NPR3: variants seen among roughly 807,000 people sequenced by gnomAD.
NPR3 encodes natriuretic peptide receptor 3.
NPR3 carries 34 observed loss-of-function variants against 54.5 expected under a neutral mutation model. That is an observed-to-expected ratio of 0.62 (90% CI 0.47 to 0.83). The LOEUF (loss-of-function observed/expected upper bound fraction) is 0.83, where lower values mean the gene tolerates loss of function less well. NPR3 is among the 40% of genes least tolerant of loss of function. NPR3 has a pLI of 0.00. For synonymous variants in NPR3, 289 were observed against 297.1 expected (o/e 0.97, Z 0.28); for missense variants, 674 against 720.8 (o/e 0.94, Z 0.74).
chr5:32,695,756 C>T (rs1740516402), intron 1 of NPR3, among the ~76,000 whole-genome samples: 1 of 152,208 alleles, frequency 6.6e-6, no homozygotes, highest in South Asian at 2.1e-4. Context: ...TTTTGATTTG[C>T]ATTTCTCTGG....
chr5:32,789,974 AT>A lies in NPR3; in HGVS notation c.*3630del. ...ACTCAGATCCTGAGTGGATGCAGAC[AT>A]GAGAGTAAATGTCAGCCCAAATTAG... On this transcript the variant is annotated 3_prime_UTR_variant, in exon 8 of 8. Coordinates refer to ENST00000265074, the MANE Select transcript of NPR3 (RefSeq NM_001204375.2). The A allele has an allele frequency of 3.4e-6, 1 of 295,894 alleles. No individual in the cohort carries two copies. The highest frequency in any genetic ancestry group is 4.0e-5 in the South Asian group (1 of 25,090). The allele number at this position is 295,894 out of a possible 1,614,324, so 18.3% of individuals were successfully genotyped here.
At chr5:32,697,332 A>C (rs1243704435) in intron 1 of NPR3, among the ~76,000 whole-genome samples, 4 of 151,984 alleles carry the variant, frequency 2.6e-5, no homozygotes, top group Non-Finnish European at 4.4e-5. Context: ...AATGAATCCT[A>C]CTTGGTCACA....
chr5:32,784,400 G>T (rs2112075747), intron 6 of NPR3, among the ~76,000 whole-genome samples: 1 of 152,130 alleles, frequency 6.6e-6, no homozygotes, highest in East Asian at 1.9e-4. Context: ...TGTTGACCAG[G>T]CTGGTCTCAA....
chr5:32,770,901 C>A (rs1308016506), intron 3 of NPR3, among the ~76,000 whole-genome samples: 4 of 152,208 alleles, frequency 2.6e-5, no homozygotes, highest in African/African-American at 9.6e-5. Flanking sequence ...GTAACAACAG[C>A]ATAACGACAG....
At position 32,712,043 on chromosome 5, in the gene NPR3, G is replaced by A. The variant is rs1458329208; in HGVS notation, c.267G>A (p.Gly89=). Residue 89 remains glycine, a synonymous_variant, in exon 1 of 8, where the codon GGG becomes GGA. Coordinates refer to ENST00000265074, the MANE Select transcript of NPR3 (RefSeq NM_001204375.2). ...ALRSVEGNGT[G]RRLLPPGTRF... Reference sequence around the variant, plus strand: ...GCAGCGTGGAGGGCAACGGGACTGGGAGGCGGCTTCTGCCGCCGGGCACTC... The same window carrying A: ...GCAGCGTGGAGGGCAACGGGACTGGAAGGCGGCTTCTGCCGCCGGGCACTC... 3 of 1,613,698 alleles carry A rather than the reference G, an allele frequency of 1.9e-6. No individual in the cohort carries two copies. The highest frequency in any genetic ancestry group is 2.5e-6 in the Non-Finnish European group (3 of 1,179,804).
In NPR3 at chr5:32,782,916, A is replaced by G. The variant is rs746500690; in HGVS notation, c.1314A>G (p.Lys438=). The G allele has an allele frequency of 1.2e-6, 2 of 1,611,810 alleles. No homozygotes were observed. Among genetic ancestry groups the G allele is most frequent in the South Asian group, 1.1e-5 (1 of 90,568 alleles). The part of the protein sequence containing the change: ...TQEVIGDYFG[K]EGRFEMRPNV... ...AGGTTATTGGTGATTATTTTGGAAA[A>G]GAAGGTCGTTTTGAAATGCGGCCGA... Residue 438 remains lysine (K), a synonymous_variant, in exon 6 of 8, where the codon AAA becomes AAG. Transcript: ENST00000265074.
rs1036872527 is a variant in NPR3 at position 32,774,846 on chromosome 5, G to A, written c.1195+3G>A. ...GACTTGGAACAGAACATTTGAAGGT[G>A]GGGATTCCATCTATAAGGCAATTAC... On this transcript the variant is annotated splice_donor_region_variant and intron_variant, in intron 4 of 7. Coordinates refer to ENST00000265074, the MANE Select transcript of NPR3 (RefSeq NM_001204375.2). 1.2e-6 allele frequency: 2 copies of A among 1,609,786 alleles called. No homozygotes were observed. The highest frequency in any genetic ancestry group is 1.3e-5 in the African/African-American group (1 of 74,848).
intron 1 of NPR3, chr5:32,716,524 G>C: frequency 2.3e-6 from 1 of 436,706 alleles, no homozygotes; most frequent in Non-Finnish European, 4.5e-6. Context: ...AGTAGGCTGA[G>C]GCAGGAGGAT....
intron 2 of NPR3, among the ~76,000 whole-genome samples, chr5:32,732,412 G>A (rs908239186): frequency 1.5e-4 from 23 of 152,252 alleles, no homozygotes; most frequent in African/African-American, 5.1e-4. Flanking sequence ...AGGCTTTCCT[G>A]GAAGCCCCAC....
At position 32,714,127 on chromosome 5, in the gene NPR3, G is replaced by GAGGGCTAGGCGCT. The variant is rs1473452944; in HGVS notation, c.769+1585_769+1597dup. Among the ~76,000 whole-genome samples the GAGGGCTAGGCGCT allele has an allele frequency of 3.4e-5, 5 of 148,204 alleles. No individual in the cohort carries two copies. The Admixed American group carries it at 3.4e-4, about 10-fold the overall frequency. The stretch of plus-strand genomic sequence containing the variant: ...CCTGCTTCTCCAGTTCTCGGCTTTC[G>GAGGGCTAGGCGCT]AGGGCTAGGCGCTAGAAGTCAGAGA... On this transcript the variant is annotated intron_variant, in intron 1 of 7. Transcript: ENST00000265074.
chr5:32,719,788 G>GTTT (rs1383745599), intron 1 of NPR3, among the ~76,000 whole-genome samples: 1 of 61,820 alleles, frequency 1.6e-5, no homozygotes, highest in East Asian at 2.8e-4. Context: ...TGTTGTTGTT[G>GTTT]TTTTTTTTTT....
chr5:32,782,836 A>G, intron 5 of NPR3, 57 bp from the exon 6 acceptor site: 3 of 1,515,106 alleles, frequency 2.0e-6, no homozygotes, highest in Non-Finnish European at 2.7e-6. Context: ...GAAGGCTGCG[A>G]GCTTTGTGCC....
intron 3 of NPR3, among the ~76,000 whole-genome samples, chr5:32,772,813 A>G (rs1039347658): frequency 2.6e-5 from 4 of 152,192 alleles, no homozygotes; most frequent in Admixed American, 6.5e-5. Flanking sequence ...CCCACGAAAT[A>G]GGTACTGTTA....
At chr5:32,760,884 T>C (rs1418731295) in intron 3 of NPR3, among the ~76,000 whole-genome samples, 5 of 152,166 alleles carry the variant, frequency 3.3e-5, no homozygotes, top group African/African-American at 1.2e-4. Flanking sequence ...TTTTAGTTTT[T>C]TCCCATCTTT....
chr5:32,774,430 G>A (rs914007155), intron 3 of NPR3, among the ~76,000 whole-genome samples: 2 of 152,146 alleles, frequency 1.3e-5, no homozygotes, highest in Non-Finnish European at 2.9e-5. Flanking sequence ...GGGACCATTG[G>A]CAAAGGTGGG....
intron 3 of NPR3, among the ~76,000 whole-genome samples, chr5:32,744,868 T>A (rs1740216181): frequency 6.6e-6 from 1 of 152,252 alleles, no homozygotes; most frequent in Non-Finnish European, 1.5e-5. Context: ...TCTCTTCTAC[T>A]GTAAACTCTA....
intron 2 of NPR3, among the ~76,000 whole-genome samples, chr5:32,737,259 T>C (rs187777901): frequency 3.8e-4 from 58 of 152,348 alleles, no homozygotes; most frequent in African/African-American, 1.3e-3. Flanking sequence ...TAAGCTGTGG[T>C]CCTACCTGTG....
At chr5:32,760,269 T>C (rs10053636) in intron 3 of NPR3, among the ~76,000 whole-genome samples, 31,329 of 152,066 alleles carry the variant, frequency 0.21, 3,331 homozygotes, top group South Asian at 0.27. Flanking sequence ...GATGCAAGTT[T>C]AACTTTATAA....
chr5:32,776,567 C>A (rs13436551), intron 4 of NPR3, among the ~76,000 whole-genome samples: 1 of 151,964 alleles, frequency 6.6e-6, no homozygotes, highest in African/African-American at 2.4e-5. Flanking sequence ...TTTCCTCTCA[C>A]CTCACCAACA....
Sources: gnomAD v4.1 joint callset for allele counts (sites outside exome capture counted in the v4.1 genomes callset) on GRCh38, gnomAD v4.1.1 for gene constraint, MANE v1.5 for transcripts, NCBI Gene and HGNC (gene_info 2026-07-23, HGNC 2026-07-21) for gene names.